LINGO2: variants seen among roughly 807,000 people sequenced by gnomAD.
LINGO2 encodes the protein leucine-rich repeat and immunoglobulin-like domain-containing nogo receptor-interacting protein 2.
A neutral mutation model predicts 30.6 loss-of-function variants in LINGO2; 14 were observed. The observed-to-expected ratio is 0.46, with a 90% CI of 0.30 to 0.72. The LOEUF is 0.72. Ranked by LOEUF, LINGO2 falls within the 30% of genes least tolerant of loss-of-function variation. The pLI is 0.07. For missense variants in LINGO2, 729 were observed against 751.7 expected (o/e 0.97, Z 0.35); for synonymous variants, 317 against 288.5 (o/e 1.10, Z -1.00).
the LINGO2 span, among the ~76,000 whole-genome samples, chr9:28,972,870 G>C: frequency 6.6e-6 from 1 of 152,052 alleles, no homozygotes; most frequent in South Asian, 2.1e-4. Context: ...AACAGCATGG[G>C]AAAAACCTGC....
At chr9:28,593,001 T>C (rs898884270) in intron 1 of LINGO2, among the ~76,000 whole-genome samples, 9 of 152,004 alleles carry the variant, frequency 5.9e-5, no homozygotes, top group African/African-American at 2.2e-4. Context: ...TTCTCAGCCA[T>C]ATTGGGTGGA....
chr9:28,645,464 C>A (rs925468963), intron 1 of LINGO2, among the ~76,000 whole-genome samples: 2 of 152,098 alleles, frequency 1.3e-5, no homozygotes, highest in African/African-American at 2.4e-5. Context: ...TGTAAGTACA[C>A]TAATATCTGA....
chr9:28,424,201 C>A (rs1263134102), intron 2 of LINGO2, among the ~76,000 whole-genome samples: 1 of 152,120 alleles, frequency 6.6e-6, no homozygotes. Flanking sequence ...GAGGAGGAAT[C>A]TCTTTCCCAA....
At chr9:28,375,001 G>C (rs1315556859) in intron 2 of LINGO2, among the ~76,000 whole-genome samples, 2 of 151,776 alleles carry the variant, frequency 1.3e-5, no homozygotes, top group African/African-American at 4.8e-5. Flanking sequence ...GAACTCCCAG[G>C]ACCTATTCTT....
At chr9:28,303,875 C>G (rs1824242303) in intron 3 of LINGO2, among the ~76,000 whole-genome samples, 2 of 151,984 alleles carry the variant, frequency 1.3e-5, no homozygotes, top group Non-Finnish European at 2.9e-5. Flanking sequence ...GGAGAACCAA[C>G]ACACTGGGTA....
the LINGO2 span, among the ~76,000 whole-genome samples, chr9:29,134,726 AG>A: frequency 6.6e-6 from 1 of 152,118 alleles, no homozygotes; most frequent in Non-Finnish European, 1.5e-5. Context: ...TGTTTTACAA[AG>A]GTACTCAATC....
the LINGO2 span, among the ~76,000 whole-genome samples, chr9:28,901,337 A>C: frequency 2.0e-5 from 3 of 152,144 alleles, no homozygotes; most frequent in Non-Finnish European, 4.4e-5. Context: ...AACCAGAAAG[A>C]AAAGAATGTT....
the LINGO2 span, among the ~76,000 whole-genome samples, chr9:28,963,356 A>C: frequency 6.6e-6 from 1 of 151,982 alleles, no homozygotes; most frequent in Non-Finnish European, 1.5e-5. Flanking sequence ...ATAAGAAAAG[A>C]TAAGTTTCCT....
At chr9:28,783,112 A>C in the LINGO2 span, among the ~76,000 whole-genome samples, 1 of 152,240 alleles carries the variant, frequency 6.6e-6, no homozygotes, top group African/African-American at 2.4e-5. Context: ...TATGAACTGC[A>C]TTATATTTTA....
intron 4 of LINGO2, among the ~76,000 whole-genome samples, chr9:28,170,247 C>G (rs1828545152): frequency 6.6e-6 from 1 of 152,150 alleles, no homozygotes; most frequent in Non-Finnish European, 1.5e-5. Flanking sequence ...AATGAACAGA[C>G]ACTACATGAC....
intron 4 of LINGO2, among the ~76,000 whole-genome samples, chr9:28,267,501 G>A (rs1822794245): frequency 6.6e-6 from 1 of 151,866 alleles, no homozygotes; most frequent in South Asian, 2.1e-4. Flanking sequence ...CATTCCTCCT[G>A]TACTTTCATA....
chr9:28,641,920 A>C (rs1827607417), intron 1 of LINGO2, among the ~76,000 whole-genome samples: 1 of 152,160 alleles, frequency 6.6e-6, no homozygotes. Flanking sequence ...TCTCAGTTCC[A>C]GAATGTTCTT....
intron 3 of LINGO2, among the ~76,000 whole-genome samples, chr9:28,345,436 C>T (rs77438268): frequency 0.039 from 5,948 of 152,040 alleles, 325 homozygotes; most frequent in African/African-American, 0.12. Context: ...ACTGCTAGAA[C>T]GCCAGAATGA....
At chr9:28,328,211 T>A (rs1371664183) in intron 3 of LINGO2, among the ~76,000 whole-genome samples, 2 of 151,986 alleles carry the variant, frequency 1.3e-5, no homozygotes, top group East Asian at 1.9e-4. Flanking sequence ...GTAAGCAAAA[T>A]GAGGAAAGTT....
At chr9:28,386,476 A>G (rs1219872963) in intron 2 of LINGO2, among the ~76,000 whole-genome samples, 2 of 152,230 alleles carry the variant, frequency 1.3e-5, no homozygotes, top group Admixed American at 6.5e-5. Flanking sequence ...TAGAGAATAT[A>G]TAATTCAATG....
At chr9:28,421,186 A>C (rs1000094827) in intron 2 of LINGO2, among the ~76,000 whole-genome samples, 2 of 152,020 alleles carry the variant, frequency 1.3e-5, no homozygotes, top group Non-Finnish European at 2.9e-5. Context: ...TTAAGAAAAC[A>C]ATTTAATTTA....
At chr9:28,411,472 C>G (rs1320642864) in intron 2 of LINGO2, among the ~76,000 whole-genome samples, 1 of 152,076 alleles carries the variant, frequency 6.6e-6, no homozygotes, top group Non-Finnish European at 1.5e-5. Context: ...CTGCATCTTG[C>G]AAAACTTATT....
intron 2 of LINGO2, among the ~76,000 whole-genome samples, chr9:28,395,451 G>T (rs959817648): frequency 2.0e-5 from 3 of 151,998 alleles, no homozygotes; most frequent in Admixed American, 6.6e-5. Context: ...GATGGATATT[G>T]TTGCATAAAG....
At chr9:28,977,849 A>G in the LINGO2 span, among the ~76,000 whole-genome samples, 1 of 152,136 alleles carries the variant, frequency 6.6e-6, no homozygotes, top group Non-Finnish European at 1.5e-5. Context: ...GTTCACTGCG[A>G]GCTGAATTCT....
Sources: allele counts gnomAD v4.1 joint callset (sites outside exome capture counted in the v4.1 genomes callset), GRCh38; gene constraint gnomAD v4.1.1; transcripts MANE v1.5; gene names NCBI Gene and HGNC (gene_info 2026-07-23, HGNC 2026-07-21).